SLC39A10: variants seen among roughly 807,000 people sequenced by gnomAD.
The protein encoded by SLC39A10 is solute carrier family 39 member 10.
Under a neutral mutation model 65.1 loss-of-function variants are expected in SLC39A10, and 13 were observed. The ratio of observed to expected loss-of-function variants is 0.20; its 90% CI spans 0.13 to 0.32. The LOEUF (loss-of-function observed/expected upper bound fraction) is 0.32. SLC39A10 is among the 10% of genes least tolerant of loss of function. The probability of loss-of-function intolerance (pLI) is 1.00; values close to 1 mark genes in which losing one functional copy is unlikely to be tolerated. For missense variants in SLC39A10, 831 were observed against 1,018.4 expected, an observed-to-expected ratio of 0.82 and a Z score of 2.50; for synonymous variants, 321 against 342.2, an observed-to-expected ratio of 0.94 and a Z score of 0.68.
chr2:195,645,202 C>T (rs2105708589), intron 2 of SLC39A10, among the ~76,000 whole-genome samples: 1 of 152,130 alleles, frequency 6.6e-6, no homozygotes, highest in African/African-American at 2.4e-5. Flanking sequence ...AGCCACCGCG[C>T]CTGGCCATCT....
At chr2:195,734,683 A>C (rs888407390) in intron 9 of SLC39A10, among the ~76,000 whole-genome samples, 200 bp from the exon 10 acceptor site, 1 of 152,222 alleles carries the variant, frequency 6.6e-6, no homozygotes, top group Admixed American at 6.5e-5. Context: ...GAACAGAGTT[A>C]GTATTTCCTA....
chr2:195,717,520 C>T (rs2105828209), intron 7 of SLC39A10: 1 of 152,276 alleles, frequency 6.6e-6, no homozygotes, highest in East Asian at 1.9e-4. Flanking sequence ...TCTTTTAGCA[C>T]CCAGAAGTAG....
chr2:195,700,153 A>G (rs570995031), intron 3 of SLC39A10, among the ~76,000 whole-genome samples: 1 of 152,236 alleles, frequency 6.6e-6, no homozygotes, highest in East Asian at 1.9e-4. Context: ...TAGTTGACTC[A>G]TGTGTTTTTA....
intron 1 of SLC39A10, among the ~76,000 whole-genome samples, chr2:195,663,480 A>C (rs1689490894): frequency 6.6e-6 from 1 of 151,840 alleles, no homozygotes; most frequent in Non-Finnish European, 1.5e-5. Flanking sequence ...ACATTATAAA[A>C]TGAGATCAGT....
intron 3 of SLC39A10, among the ~76,000 whole-genome samples, chr2:195,703,138 A>AC (rs1691256327): frequency 6.6e-6 from 1 of 152,102 alleles, no homozygotes; most frequent in South Asian, 2.1e-4. Context: ...CCTTTGAAAT[A>AC]CCCCCTATCT....
chr2:195,672,083 A>G (rs1339883727), intron 1 of SLC39A10, among the ~76,000 whole-genome samples: 2 of 152,078 alleles, frequency 1.3e-5, no homozygotes, highest in African/African-American at 2.4e-5. Flanking sequence ...TTTGCAATCA[A>G]TAGCTGCTTA....
rs1023829713 is a variant in SLC39A10 at position 195,657,314 on chromosome 2, C to G, written c.-12+33C>G. On this transcript the variant is annotated intron_variant, in intron 1 of 9. Coordinates refer to ENST00000359634, the MANE Select transcript of SLC39A10 (RefSeq NM_020342.3). ...TAAAACCCCGATTTGTTTACATTCC[C>G]TCCCCCAGAACCGGCCCCGTGCGCG... The G allele has an allele frequency of 5.6e-6, 5 of 889,984 alleles. No individual in the cohort carries two copies. The African/African-American group carries it at 9.0e-5, about 16-fold the overall frequency. The allele number at this position is 889,984 out of a possible 1,614,324, so 55.1% of individuals were successfully genotyped here. A position where few individuals can be genotyped will look rare whatever the true frequency, so the allele number is the denominator to read the frequency against.
At chr2:195,670,149 T>C (rs887668048) in intron 1 of SLC39A10, among the ~76,000 whole-genome samples, 7 of 151,960 alleles carry the variant, frequency 4.6e-5, no homozygotes, top group African/African-American at 1.7e-4. Flanking sequence ...CAGAGCAAGA[T>C]TCTGTCTCCA....
At chr2:195,649,661 T>C (rs944413018) in intron 2 of SLC39A10, among the ~76,000 whole-genome samples, 2 of 152,254 alleles carry the variant, frequency 1.3e-5, no homozygotes, top group Non-Finnish European at 2.9e-5. Flanking sequence ...AATTGAAGTG[T>C]AATCACCCAC....
At chr2:195,676,676 A>G (rs1460612728) in intron 1 of SLC39A10, among the ~76,000 whole-genome samples, 6 of 152,270 alleles carry the variant, frequency 3.9e-5, no homozygotes, top group Non-Finnish European at 2.9e-5. Context: ...TGCTAGTTCT[A>G]TGTTATTTTC....
chr2:195,637,629 A>G (rs1400772220), intron 2 of SLC39A10, among the ~76,000 whole-genome samples: 1 of 152,240 alleles, frequency 6.6e-6, no homozygotes, highest in Non-Finnish European at 1.5e-5. Context: ...TCCTGTTGGA[A>G]GAATAGAGAA....
At chr2:195,638,067 T>TCAGTA (rs1164306865) in intron 2 of SLC39A10, among the ~76,000 whole-genome samples, 1 of 152,224 alleles carries the variant, frequency 6.6e-6, no homozygotes, top group African/African-American at 2.4e-5. Flanking sequence ...GAGATTGTTC[T>TCAGTA]CAGTACAGTA....
chr2:195,638,611 T>C (rs1379551548), intron 2 of SLC39A10, among the ~76,000 whole-genome samples: 4 of 152,188 alleles, frequency 2.6e-5, no homozygotes, highest in Non-Finnish European at 5.9e-5. Flanking sequence ...CCCAAAGTGC[T>C]GGGATTACAG....
chr2:195,728,505 TC>T lies in SLC39A10; in HGVS notation c.2337+158del, dbSNP rs1487055702. On this transcript the variant is annotated intron_variant, in intron 9 of 9. Coordinates refer to ENST00000359634, the MANE Select transcript of SLC39A10 (RefSeq NM_020342.3). The surrounding 1 kb of genome is among the most constrained non-coding windows in gnomAD (Gnocchi z 4.4). ...AGGAAGGACATTTAAGTAGGAGGTTTCCTTTTATGGAAACCAGTTGAGTTGC... is the reference window on the plus strand; with the variant it reads ...AGGAAGGACATTTAAGTAGGAGGTTTCTTTTATGGAAACCAGTTGAGTTGC... Among the ~76,000 whole-genome samples, 1 of 152,220 alleles carries T rather than the reference TC, an allele frequency of 6.6e-6. No homozygotes were observed. Among genetic ancestry groups the T allele is most frequent in the Non-Finnish European group, 1.5e-5 (1 of 68,034 alleles).
In SLC39A10 at chr2:195,735,318, C is replaced by A; in HGVS notation, c.*277C>A. 1 of 241,550 alleles carries A rather than the reference C, an allele frequency of 4.1e-6. No individual in the cohort carries two copies. Among genetic ancestry groups the A allele is most frequent in the Non-Finnish European group, 7.9e-6 (1 of 127,130 alleles). 15.0% of individuals were successfully genotyped at this position (241,550 alleles called of 1,614,324 possible). The stretch of plus-strand genomic sequence containing the variant: ...TGATTAAGACTTTTCACAAAATAAT[C>A]ATATAAAACACTAGTCTCTTTATTA... On this transcript the variant is annotated 3_prime_UTR_variant, in exon 10 of 10. Transcript: ENST00000359634.
intron 2 of SLC39A10, among the ~76,000 whole-genome samples, chr2:195,632,539 C>T (rs759682888): frequency 6.6e-6 from 1 of 151,938 alleles, no homozygotes; most frequent in Non-Finnish European, 1.5e-5. Context: ...AACTCCTGAC[C>T]TAAGGTGATC....
chr2:195,670,298 C>G (rs1211800478), intron 1 of SLC39A10: 1 of 150,708 alleles, frequency 6.6e-6, no homozygotes, highest in Non-Finnish European at 1.5e-5. Flanking sequence ...GACATGTATA[C>G]ATTGTGGAAT....
At chr2:195,730,313 C>T (rs1436537134) in intron 9 of SLC39A10, among the ~76,000 whole-genome samples, 1 of 151,956 alleles carries the variant, frequency 6.6e-6, no homozygotes, top group East Asian at 1.9e-4. Flanking sequence ...GCTTTTGTGT[C>T]AGTAGGCTTC....
At chr2:195,690,046 G>A (rs1448612140) in intron 3 of SLC39A10, among the ~76,000 whole-genome samples, 4 of 151,612 alleles carry the variant, frequency 2.6e-5, no homozygotes, top group Non-Finnish European at 2.9e-5. Flanking sequence ...ATGTGGTGGC[G>A]GGTGCCTGTG....
Sources: allele counts gnomAD v4.1 joint callset (sites outside exome capture counted in the v4.1 genomes callset), GRCh38; gene constraint gnomAD v4.1.1; non-coding constraint Gnocchi (gnomAD v3.1); transcripts MANE v1.5; gene names NCBI Gene and HGNC (gene_info 2026-07-23, HGNC 2026-07-21).